Variants in SSR1 observed in about 807,000 individuals in gnomAD.
SSR1 encodes the protein signal sequence receptor subunit 1.
A neutral mutation model predicts 36.1 loss-of-function variants in SSR1; 13 were observed. The ratio of observed to expected loss-of-function variants is 0.36; its 90% CI spans 0.23 to 0.57. The LOEUF is 0.57. SSR1 is among the 20% of genes least tolerant of loss of function. SSR1 has a pLI of 0.81. For synonymous variants in SSR1, 113 were observed against 118.9 expected (o/e 0.95, Z 0.32); for missense variants, 291 against 338.5 (o/e 0.86, Z 1.10).
chr6:7,302,597 A>AAC (rs1757960858), intron 3 of SSR1, among the ~76,000 whole-genome samples: 1 of 151,942 alleles, frequency 6.6e-6, no homozygotes, highest in Non-Finnish European at 1.5e-5. Flanking sequence ...CCCCATCCCT[A>AAC]CTAAAAATAC....
At chr6:7,300,982 GT>G (rs1326789567) in intron 4 of SSR1, among the ~76,000 whole-genome samples, 3 of 152,264 alleles carry the variant, frequency 2.0e-5, no homozygotes, top group Non-Finnish European at 4.4e-5. Context: ...ACTCCATTGT[GT>G]GTCTTACTGC....
At position 7,287,170 on chromosome 6, in the gene SSR1, G is replaced by A. The variant is rs1257227411; in HGVS notation, c.*2694C>T. On this transcript the variant is annotated 3_prime_UTR_variant, in exon 8 of 8. Transcript: ENST00000244763. Reference sequence around the variant, plus strand: ...TATGAGGCTCGCCTATTACTATATTGATCTACTGTACCTCGAAAATAACAC... The same window carrying A: ...TATGAGGCTCGCCTATTACTATATTAATCTACTGTACCTCGAAAATAACAC... The A allele has an allele frequency of 1.3e-5, 2 of 151,970 alleles. No individual in the cohort carries two copies. Among genetic ancestry groups the A allele is most frequent in the Non-Finnish European group, 2.9e-5 (2 of 68,008 alleles). The allele number at this position is 151,970 out of a possible 1,614,324, so 9.4% of individuals were successfully genotyped here.
chr6:7,295,435 A>G lies in SSR1; in HGVS notation c.750T>C (p.Asp250=). The G allele has an allele frequency of 6.2e-7, 1 of 1,612,462 alleles. No homozygotes were observed. ...KVEMGTSSQN[D]VDMSWIPQET... ...CCTGAGGAATCCAACTCATGTCAACATCATTCTGACTTGATGTACCCATTT... is the reference window on the plus strand; with the variant it reads ...CCTGAGGAATCCAACTCATGTCAACGTCATTCTGACTTGATGTACCCATTT... The change falls in exon 7 of 8, where the codon GAT becomes GAC. Residue 250 remains aspartate (D), a synonymous_variant. Transcript: ENST00000244763.
chr6:7,303,676 G>GAA, intron 2 of SSR1, 39 bp from the exon 3 acceptor site: 2 of 1,426,270 alleles, frequency 1.4e-6, no homozygotes, highest in Non-Finnish European at 1.9e-6. Flanking sequence ...TACTATGGGA[G>GAA]AAAAAAAAAT....
chr6:7,295,977 T>G (rs980813638), intron 6 of SSR1, among the ~76,000 whole-genome samples: 1 of 152,210 alleles, frequency 6.6e-6, no homozygotes, highest in East Asian at 1.9e-4. Flanking sequence ...AAGAATAAAT[T>G]TATTTCTATA....
chr6:7,295,636 T>C (rs1378298756), intron 6 of SSR1, 151 bp from the exon 7 acceptor site: 1 of 555,820 alleles, frequency 1.8e-6, no homozygotes, highest in Non-Finnish European at 3.1e-6. Context: ...CCCAAGTAGC[T>C]GGGACTATAG....
intron 3 of SSR1, 37 bp from the exon 4 acceptor site, chr6:7,301,609 A>G (rs1330846152): frequency 2.5e-6 from 4 of 1,569,858 alleles, no homozygotes; most frequent in East Asian, 4.5e-5. Flanking sequence ...ATTAGAACAC[A>G]TGGAAAGAGC....
intron 2 of SSR1, among the ~76,000 whole-genome samples, chr6:7,306,855 G>T (rs1158163627): frequency 6.7e-6 from 1 of 148,854 alleles, no homozygotes; most frequent in Non-Finnish European, 1.5e-5. Context: ...GGTGGAGCTT[G>T]CAGTGAGCGG....
rs1365590862 is a variant in SSR1 at position 7,286,540 on chromosome 6, A to G, written c.*3324T>C. On this transcript the variant is annotated 3_prime_UTR_variant, in exon 8 of 8. Transcript: ENST00000244763. Reference sequence around the variant, plus strand: ...TTTACTAAGTTGGAGGTAAGAGCTCAAAGTAGAGTTTTACTTAAGAAAATT... The same window carrying G: ...TTTACTAAGTTGGAGGTAAGAGCTCGAAGTAGAGTTTTACTTAAGAAAATT... The G allele has an allele frequency of 1.3e-5, 2 of 152,240 alleles. No individual in the cohort carries two copies. The highest frequency in any genetic ancestry group is 4.8e-5 in the African/African-American group (2 of 41,456). 9.4% of individuals were successfully genotyped at this position (152,240 alleles called of 1,614,324 possible). A position where few individuals can be genotyped will look rare whatever the true frequency, so the allele number is the denominator to read the frequency against.
intron 7 of SSR1, among the ~76,000 whole-genome samples, chr6:7,290,796 A>G (rs1444360910): frequency 6.6e-6 from 1 of 152,126 alleles, no homozygotes; most frequent in East Asian, 1.9e-4. Context: ...CTTATCTGTA[A>G]GCATTTCATA....
At chr6:7,293,942 G>C (rs1472245815) in intron 7 of SSR1, among the ~76,000 whole-genome samples, 3 of 152,130 alleles carry the variant, frequency 2.0e-5, no homozygotes, top group Admixed American at 1.3e-4. Flanking sequence ...AGATTAAATA[G>C]GCAATATTGT....
chr6:7,313,171 T>A lies in SSR1; in HGVS notation c.-51A>T. On this transcript the variant is annotated 5_prime_UTR_variant, in exon 1 of 8. Coordinates refer to ENST00000244763, the MANE Select transcript of SSR1 (RefSeq NM_003144.5). ...TCCGTCGGCTAAGGCTCTCGGCGGC[T>A]CCGGCGGTAATGGCGTTACTCTTCA... The A allele has an allele frequency of 6.5e-7, 1 of 1,528,676 alleles. No individual in the cohort carries two copies. Among genetic ancestry groups the A allele is most frequent in the South Asian group, 1.2e-5 (1 of 83,840 alleles). The allele number at this position is 1,528,676 out of a possible 1,614,324, so 94.7% of individuals were successfully genotyped here.
At chr6:7,312,106 AGAAT>A (rs1205312018) in intron 1 of SSR1, among the ~76,000 whole-genome samples, 1 of 152,248 alleles carries the variant, frequency 6.6e-6, no homozygotes, top group Non-Finnish European at 1.5e-5. Flanking sequence ...TTAAACTTAC[AGAAT>A]GAAAGGGATG....
chr6:7,306,713 G>A (rs938406937), intron 2 of SSR1, among the ~76,000 whole-genome samples: 17 of 151,300 alleles, frequency 1.1e-4, no homozygotes, highest in Non-Finnish European at 1.8e-4. Flanking sequence ...TCAGGAGATC[G>A]AGACCATCCT....
intron 7 of SSR1, among the ~76,000 whole-genome samples, chr6:7,293,792 A>G (rs1294635284): frequency 1.3e-5 from 2 of 152,170 alleles, no homozygotes; most frequent in Non-Finnish European, 2.9e-5. Context: ...TATTGAAAAA[A>G]TCTGTATATA....
intron 1 of SSR1, among the ~76,000 whole-genome samples, chr6:7,312,088 C>A (rs1235221010): frequency 1.3e-5 from 2 of 152,202 alleles, no homozygotes; most frequent in Non-Finnish European, 2.9e-5. Context: ...TTAAGACACA[C>A]AGCTTGCTTA....
rs376520861 is a variant in SSR1, at chr6:7,285,473, C to G, written c.*4391G>C. ...GGTGAATCACTTGAGCTCAGGAGTT[C>G]GAGACCAGCCTGGCAACATGGTGAA... On this transcript the variant is annotated 3_prime_UTR_variant, in exon 8 of 8. Transcript: ENST00000244763. This position sits in a 1 kb window ranked among gnomAD's most constrained non-coding sequence, Gnocchi z 4.1. 6.6e-6 allele frequency: 1 copy of G among 152,208 alleles called. No individual in the cohort carries two copies. The highest frequency in any genetic ancestry group is 2.4e-5 in the African/African-American group (1 of 41,398). The allele number at this position is 152,208 out of a possible 1,614,324, so 9.4% of individuals were successfully genotyped here. A position where few individuals can be genotyped will look rare whatever the true frequency, so the allele number is the denominator to read the frequency against.
At position 7,298,763 on chromosome 6, in the gene SSR1, C is replaced by A; in HGVS notation, c.604G>T (p.Gly202Trp). 1 of 1,613,110 alleles carries A rather than the reference C, an allele frequency of 6.2e-7. No individual in the cohort carries two copies. The highest frequency in any genetic ancestry group is 1.1e-5 in the South Asian group (1 of 91,050). Residue 202 changes from glycine to tryptophan, a missense_variant, in exon 5 of 8, where the codon GGG becomes TGG. By Grantham distance (184) the Gly-to-Trp change is radical. Transcript: ENST00000244763. ...TTCACTTACGTTTCTCCATCTAACC[C>A]ATCCTCTCTTTCAATAACTGTAACT... ...QTVTVIEREDGLDGETIFMYM... is the reference protein window; with the variant it reads ...QTVTVIEREDWLDGETIFMYM...
At position 7,289,935 on chromosome 6, in the gene SSR1, G is replaced by C. The variant is rs759452094; in HGVS notation, c.794-4C>G. 45 of 1,533,360 alleles carry C rather than the reference G, an allele frequency of 2.9e-5. No homozygotes were observed. Among genetic ancestry groups the C allele is most frequent in the Admixed American group, 7.6e-5 (3 of 39,350 alleles). The allele number at this position is 1,533,360 out of a possible 1,614,324, so 95.0% of individuals were successfully genotyped here. A position where few individuals can be genotyped will look rare whatever the true frequency, so the allele number is the denominator to read the frequency against. On this transcript the variant is annotated splice_region_variant and splice_polypyrimidine_tract_variant and intron_variant, in intron 7 of 7. Transcript: ENST00000244763. ...AACCTTCTTGGTGAAGCTTTATCTG[G>C]AAGAAAAGAGAAAGTTTTAAGCTTG...
Sources: gnomAD v4.1 joint callset for allele counts (sites outside exome capture counted in the v4.1 genomes callset) on GRCh38, gnomAD v4.1.1 for gene constraint, Gnocchi (gnomAD v3.1) non-coding constraint, MANE v1.5 for transcripts, NCBI Gene and HGNC (gene_info 2026-07-23, HGNC 2026-07-21) for gene names.